The following CREB5 variants were observed in gnomAD, a reference collection of about 807,000 sequenced individuals.
The protein encoded by CREB5 is cAMP responsive element binding protein 5, also known as cyclic AMP-responsive element-binding protein 5.
Under a neutral mutation model 57.1 loss-of-function variants are expected in CREB5, and 19 were observed. That is an observed-to-expected ratio of 0.33 (90% CI 0.23 to 0.49). CREB5 has a LOEUF of 0.49. Ranked by LOEUF, CREB5 falls within the 20% of genes least tolerant of loss-of-function variation. The pLI is 0.99. For missense variants in CREB5, 579 were observed against 671.6 expected, an observed-to-expected ratio of 0.86 and a Z score of 1.52; for synonymous variants, 238 against 238.3, an observed-to-expected ratio of 1.00 and a Z score of 0.01.
At chr7:28,508,296 T>G (rs1562764041) in intron 4 of CREB5, among the ~76,000 whole-genome samples, 1 of 152,216 alleles carries the variant, frequency 6.6e-6, no homozygotes, top group Admixed American at 6.5e-5. Flanking sequence ...ATATATTCGG[T>G]GTTTATGGGA....
chr7:28,642,989 C>CACAT (rs1562544774), intron 5 of CREB5, among the ~76,000 whole-genome samples: 100 of 71,084 alleles, frequency 1.4e-3, no homozygotes, highest in East Asian at 3.5e-3. Context: ...CACACACATA[C>CACAT]ACACACACAC....
chr7:28,599,988 A>G (rs981150533), intron 5 of CREB5, among the ~76,000 whole-genome samples: 11 of 152,148 alleles, frequency 7.2e-5, no homozygotes, highest in Admixed American at 2.6e-4. Flanking sequence ...AAAAGCAATC[A>G]TGGTGACGTT....
intron 4 of CREB5, among the ~76,000 whole-genome samples, chr7:28,560,382 G>A (rs1487684565): frequency 6.6e-6 from 1 of 152,166 alleles, no homozygotes; most frequent in African/African-American, 2.4e-5. Flanking sequence ...GGGTCTTGAA[G>A]GCAAGGCTAA....
intron 1 of CREB5, among the ~76,000 whole-genome samples, chr7:28,445,718 A>C (rs1789422453): frequency 6.6e-6 from 1 of 151,630 alleles, no homozygotes; most frequent in Non-Finnish European, 1.5e-5. Flanking sequence ...CGCCTGGCTA[A>C]TTTTTTGTAT....
intron 4 of CREB5, among the ~76,000 whole-genome samples, chr7:28,524,878 G>T (rs1793376208): frequency 1.3e-5 from 2 of 152,054 alleles, no homozygotes; most frequent in Non-Finnish European, 2.9e-5. Context: ...ATATATTGTT[G>T]TTAACTATAG....
chr7:28,726,440 T>G (rs895511918), intron 7 of CREB5, among the ~76,000 whole-genome samples: 5 of 152,156 alleles, frequency 3.3e-5, no homozygotes, highest in African/African-American at 1.2e-4. Flanking sequence ...GAGAAATCAG[T>G]TATTGCCATA....
intron 7 of CREB5, among the ~76,000 whole-genome samples, chr7:28,736,485 G>C (rs1159506151): frequency 6.6e-6 from 1 of 152,182 alleles, no homozygotes; most frequent in Non-Finnish European, 1.5e-5. Context: ...AAAGCACTCT[G>C]TGCACTTACA....
chr7:28,412,672 A>G lies in CREB5; in HGVS notation c.-243A>G. 2.6e-6 allele frequency: 1 copy of G among 378,682 alleles called. No homozygotes were observed. The highest frequency in any genetic ancestry group is 3.8e-5 in the East Asian group (1 of 26,378). 23.5% of individuals were successfully genotyped at this position (378,682 alleles called of 1,614,324 possible). ...ATTACTAAAAGAAACTTAGAGAACG[A>G]GGGAGGTACCAGAGTCTAGGAGGTA... is the stretch of plus-strand genomic sequence containing the variant. On this transcript the variant is annotated 5_prime_UTR_variant, in exon 1 of 11. Transcript: ENST00000357727.
At chr7:28,564,341 C>T (rs1158458318) in intron 4 of CREB5, among the ~76,000 whole-genome samples, 1 of 152,214 alleles carries the variant, frequency 6.6e-6, no homozygotes. Flanking sequence ...CATCATTTTG[C>T]CTATATGCTC....
chr7:28,669,988 C>T (rs1308070882), intron 5 of CREB5, among the ~76,000 whole-genome samples: 1 of 152,182 alleles, frequency 6.6e-6, no homozygotes, highest in African/African-American at 2.4e-5. Context: ...CCCCTTTGAC[C>T]GTGTTCTCAT....
chr7:28,521,504 A>T, intron 4 of CREB5, among the ~76,000 whole-genome samples: 1 of 152,150 alleles, frequency 6.6e-6, no homozygotes, highest in Admixed American at 6.5e-5. Context: ...TGCCTTGCAG[A>T]TCTTTTCTAT....
chr7:28,644,264 G>A (rs945488523), intron 5 of CREB5, among the ~76,000 whole-genome samples: 9 of 152,210 alleles, frequency 5.9e-5, no homozygotes, highest in African/African-American at 2.2e-4. Flanking sequence ...GGTGATGCCT[G>A]TGTCTCACAC....
At chr7:28,721,781 T>C (rs1432890679) in intron 6 of CREB5, among the ~76,000 whole-genome samples, 1 of 152,224 alleles carries the variant, frequency 6.6e-6, no homozygotes, top group East Asian at 1.9e-4. Flanking sequence ...TTCGGTGGGT[T>C]GTGATTTCTT....
chr7:28,522,590 G>T (rs191451983), intron 4 of CREB5, among the ~76,000 whole-genome samples: 7 of 151,994 alleles, frequency 4.6e-5, no homozygotes, highest in Non-Finnish European at 7.4e-5. Flanking sequence ...TAGAGATGGG[G>T]TGTCACCATG....
At chr7:28,305,257 C>T (rs1037463469) in intron 1 of CREB5, among the ~76,000 whole-genome samples, 1 of 152,180 alleles carries the variant, frequency 6.6e-6, no homozygotes, top group Non-Finnish European at 1.5e-5. Flanking sequence ...TCTGAATCCA[C>T]ACCTTGGCTT....
intron 7 of CREB5, among the ~76,000 whole-genome samples, chr7:28,736,381 C>T (rs1158342807): frequency 6.6e-6 from 1 of 152,018 alleles, no homozygotes; most frequent in East Asian, 1.9e-4. Context: ...GTTGTTCAGG[C>T]TGGTCTCGAA....
At chr7:28,562,232 C>T (rs746240520) in intron 4 of CREB5, among the ~76,000 whole-genome samples, 14 of 152,100 alleles carry the variant, frequency 9.2e-5, no homozygotes, top group Non-Finnish European at 2.1e-4. Context: ...GAGATGAGAA[C>T]AGAAACATGG....
intron 1 of CREB5, among the ~76,000 whole-genome samples, chr7:28,343,552 C>A (rs1202915563): frequency 6.6e-6 from 1 of 150,954 alleles, no homozygotes; most frequent in Non-Finnish European, 1.5e-5. Context: ...ATGGCCAAAT[C>A]ATATTCCATT....
At chr7:28,658,417 C>T (rs1367376361) in intron 5 of CREB5, among the ~76,000 whole-genome samples, 2 of 152,132 alleles carry the variant, frequency 1.3e-5, no homozygotes, top group Non-Finnish European at 2.9e-5. Context: ...GTTGTTAGAT[C>T]GACTCTTATT....
Sources: gnomAD v4.1 joint callset for allele counts (sites outside exome capture counted in the v4.1 genomes callset) on GRCh38, gnomAD v4.1.1 for gene constraint, MANE v1.5 for transcripts, NCBI Gene and HGNC (gene_info 2026-07-23, HGNC 2026-07-21) for gene names.